Variants in PIGH observed in about 807,000 individuals in gnomAD.
PIGH encodes the protein phosphatidylinositol glycan anchor biosynthesis class H, also known as phosphatidylinositol N-acetylglucosaminyltransferase subunit H.
A neutral mutation model predicts 20.1 loss-of-function variants in PIGH; 11 were observed. The ratio of observed to expected loss-of-function variants is 0.55; its 90% CI spans 0.34 to 0.91. The LOEUF (loss-of-function observed/expected upper bound fraction) is 0.91. Among genes scored for constraint, PIGH ranks in the 40% least tolerant of loss-of-function variants. The pLI is 0.02. For missense variants in PIGH, 189 were observed against 233.6 expected (o/e 0.81, Z 1.24); for synonymous variants, 72 against 93.1 (o/e 0.77, Z 1.31).
intron 3 of PIGH, among the ~76,000 whole-genome samples, chr14:67,590,410 G>A (rs562661811): frequency 3.9e-5 from 6 of 152,010 alleles, no homozygotes; most frequent in South Asian, 2.1e-4. Context: ...TCGCCACCAC[G>A]CCCAGTGGCA....
intron 1 of PIGH, among the ~76,000 whole-genome samples, chr14:67,598,284 G>T (rs1453986570): frequency 6.6e-6 from 1 of 152,200 alleles, no homozygotes; most frequent in Non-Finnish European, 1.5e-5. Context: ...GGTACTTGAT[G>T]GGGGTAAGCA....
chr14:67,595,285 T>C (rs2036452938), intron 1 of PIGH, among the ~76,000 whole-genome samples: 1 of 152,230 alleles, frequency 6.6e-6, no homozygotes, highest in African/African-American at 2.4e-5. Flanking sequence ...AAAACAATGT[T>C]TGTATGGGTA....
intron 1 of PIGH, among the ~76,000 whole-genome samples, chr14:67,599,359 T>C (rs1412173338): frequency 2.0e-5 from 3 of 152,178 alleles, no homozygotes; most frequent in African/African-American, 7.2e-5. Context: ...GAATTCTATT[T>C]TAGAGATGTA....
chr14:67,590,237 A>G, intron 3 of PIGH, 65 bp from the exon 4 acceptor site: 1 of 1,267,602 alleles, frequency 7.9e-7, no homozygotes, highest in Non-Finnish European at 1.0e-6. Flanking sequence ...GTGGTGCTGC[A>G]TCCACTTGCA....
At position 67,589,372 on chromosome 14, in the gene PIGH, C is replaced by T. The variant is rs2036295590; in HGVS notation, c.*708G>A. 2 of 984,654 alleles carry T rather than the reference C, an allele frequency of 2.0e-6. No homozygotes were observed. The highest frequency in any genetic ancestry group is 2.4e-6 in the Non-Finnish European group (2 of 829,308). 61.0% of individuals were successfully genotyped at this position (984,654 alleles called of 1,614,324 possible). A position where few individuals can be genotyped will look rare whatever the true frequency, so the allele number is the denominator to read the frequency against. Reference sequence around the variant, plus strand: ...AGTCCCATGTCTGAAAACCAAAGTCCAATTTCTGTCTGGCCTTTTGTCTCA... The same window carrying T: ...AGTCCCATGTCTGAAAACCAAAGTCTAATTTCTGTCTGGCCTTTTGTCTCA... On this transcript the variant is annotated 3_prime_UTR_variant, in exon 4 of 4. Transcript: ENST00000216452.
At chr14:67,595,228 C>T (rs971181679) in intron 1 of PIGH, among the ~76,000 whole-genome samples, 31 of 152,286 alleles carry the variant, frequency 2.0e-4, no homozygotes, top group East Asian at 7.7e-4. Flanking sequence ...TTTACAGTAA[C>T]GTGTGGTAAA....
intron 1 of PIGH, among the ~76,000 whole-genome samples, chr14:67,598,515 G>A (rs2036514694): frequency 6.8e-6 from 1 of 146,872 alleles, no homozygotes; most frequent in African/African-American, 2.5e-5. Context: ...CTTCGTTCTA[G>A]GGCTAAAGTA....
chr14:67,593,532 T>A, intron 2 of PIGH: 20 of 528,382 alleles, frequency 3.8e-5, no homozygotes, highest in Middle Eastern at 5.0e-4. Context: ...AAGGAAAAAA[T>A]GCCAGTGATA....
At chr14:67,594,490 T>C (rs1490618817) in intron 1 of PIGH, among the ~76,000 whole-genome samples, 1 of 151,154 alleles carries the variant, frequency 6.6e-6, no homozygotes, top group Non-Finnish European at 1.5e-5. Flanking sequence ...CTACTAAAAA[T>C]ACAAAAAGTA....
chr14:67,595,388 A>G (rs1195125656), intron 1 of PIGH, among the ~76,000 whole-genome samples: 1 of 152,228 alleles, frequency 6.6e-6, no homozygotes, highest in East Asian at 1.9e-4. Context: ...AAGTCAAACC[A>G]TCGTAAGTTG....
chr14:67,594,387 G>A (rs147298476), intron 1 of PIGH, among the ~76,000 whole-genome samples: 97 of 152,270 alleles, frequency 6.4e-4, no homozygotes, highest in African/African-American at 1.9e-3. Context: ...GGTGGCTCAC[G>A]CCTGTACTCC....
chr14:67,591,054 G>A (rs2036355332), intron 3 of PIGH, among the ~76,000 whole-genome samples: 1 of 151,932 alleles, frequency 6.6e-6, no homozygotes, highest in Admixed American at 6.6e-5. Context: ...TAATAAAAGT[G>A]CACTACCTAA....
chr14:67,593,700 C>T (rs750442121), intron 2 of PIGH, 43 bp downstream of exon 2: 14 of 1,195,330 alleles, frequency 1.2e-5, no homozygotes, highest in South Asian at 2.4e-5. Context: ...GGCTGGCTAC[C>T]TCCTCCAGAG....
chr14:67,599,411 T>G (rs1457112953), intron 1 of PIGH, among the ~76,000 whole-genome samples: 1 of 152,194 alleles, frequency 6.6e-6, no homozygotes, highest in Non-Finnish European at 1.5e-5. Flanking sequence ...ATCTGGAAAT[T>G]GAGCACAGCT....
chr14:67,594,916 G>A (rs1396239450), intron 1 of PIGH, among the ~76,000 whole-genome samples: 4 of 152,112 alleles, frequency 2.6e-5, no homozygotes, highest in South Asian at 2.1e-4. Context: ...TTGGGAGGCC[G>A]AGGCGGGCGG....
rs772758631 is a variant in PIGH, at chr14:67,600,246, C to T, written c.-43G>A. On this transcript the variant is annotated 5_prime_UTR_variant, in exon 1 of 4. Coordinates refer to ENST00000216452, the MANE Select transcript of PIGH (RefSeq NM_004569.5). Reference sequence around the variant, plus strand: ...GCCCGCACCGCGCGGCGCTGCACTGCGCTCGCCGGCCCTGGCCGTCTCGCC... The same window carrying T: ...GCCCGCACCGCGCGGCGCTGCACTGTGCTCGCCGGCCCTGGCCGTCTCGCC... 1.3e-6 allele frequency: 2 copies of T among 1,483,790 alleles called. No individual in the cohort carries two copies. Among genetic ancestry groups the T allele is most frequent in the Non-Finnish European group, 1.8e-6 (2 of 1,115,540 alleles). 91.9% of individuals were successfully genotyped at this position (1,483,790 alleles called of 1,614,324 possible).
chr14:67,596,885 T>C (rs1393567279), intron 1 of PIGH, among the ~76,000 whole-genome samples: 1 of 152,234 alleles, frequency 6.6e-6, no homozygotes, highest in Non-Finnish European at 1.5e-5. Context: ...AATTTGGAAG[T>C]CTATACTGAA....
rs544895017 is a variant in PIGH, at chr14:67,597,460, AGAGT to A, written c.180+2560_180+2563del. ...ACCACTACACTCCAGCCTGGGCAAC[AGAGT>A]GAGAACCTGTCTCAAAAAAAACAAA... On this transcript the variant is annotated intron_variant, in intron 1 of 3. Coordinates refer to ENST00000216452, the MANE Select transcript of PIGH (RefSeq NM_004569.5). Among the ~76,000 whole-genome samples, 30 of 152,196 alleles carry A rather than the reference AGAGT, an allele frequency of 2.0e-4. No homozygotes were observed. In the South Asian group the frequency reaches 6.0e-3, roughly 31 times the overall value.
At chr14:67,594,730 T>C (rs2036439011) in intron 1 of PIGH, among the ~76,000 whole-genome samples, 1 of 151,910 alleles carries the variant, frequency 6.6e-6, no homozygotes, top group South Asian at 2.1e-4. Context: ...GATAAACCCA[T>C]TATAAGATGA....
Sources: allele counts gnomAD v4.1 joint callset (sites outside exome capture counted in the v4.1 genomes callset), GRCh38; gene constraint gnomAD v4.1.1; transcripts MANE v1.5; gene names NCBI Gene and HGNC (gene_info 2026-07-23, HGNC 2026-07-21).